LRP1B: variants seen among roughly 807,000 people sequenced by gnomAD.
LRP1B encodes the protein LDL receptor related protein 1B.
In LRP1B, 217 loss-of-function variants were observed where a neutral mutation model predicts 556.6. The ratio of observed to expected loss-of-function variants is 0.39; its 90% confidence interval spans 0.35 to 0.44. LRP1B has a LOEUF of 0.44. LRP1B is among the 20% of genes least tolerant of loss of function. The pLI, the probability that LRP1B is intolerant of heterozygous loss-of-function variation, is 1.00. For synonymous variants in LRP1B, 2,047 were observed against 1,865.8 expected (o/e 1.10, Z -2.50); for missense variants, 5,053 against 5,620.8 (o/e 0.90, Z 3.23).
chr2:141,519,011 T>C (rs1043001881), intron 2 of LRP1B, among the ~76,000 whole-genome samples: 1 of 136,780 alleles, frequency 7.3e-6, no homozygotes, highest in Non-Finnish European at 1.6e-5. Flanking sequence ...GACATTTCCA[T>C]TGCAAACAAG....
intron 3 of LRP1B, among the ~76,000 whole-genome samples, chr2:141,271,008 A>T (rs1685069856): frequency 6.6e-6 from 1 of 152,034 alleles, no homozygotes. Context: ...ATGAAGCTAT[A>T]AAGGGAATGA....
chr2:141,642,998 G>C (rs1689402732), intron 2 of LRP1B, among the ~76,000 whole-genome samples: 1 of 152,068 alleles, frequency 6.6e-6, no homozygotes, highest in African/African-American at 2.4e-5. Flanking sequence ...ACAAACTTAA[G>C]GGTCATGCTA....
chr2:141,602,582 C>A (rs1048425939), intron 2 of LRP1B, among the ~76,000 whole-genome samples: 1 of 152,166 alleles, frequency 6.6e-6, no homozygotes, highest in South Asian at 2.1e-4. Context: ...TTTAAAGCAG[C>A]TGTTCTCAAA....
intron 1 of LRP1B, among the ~76,000 whole-genome samples, chr2:141,861,616 T>C (rs936096863): frequency 6.6e-6 from 1 of 152,160 alleles, no homozygotes; most frequent in Admixed American, 6.5e-5. Context: ...TATAAATGTA[T>C]AAACTCTTTC....
intron 1 of LRP1B, among the ~76,000 whole-genome samples, chr2:141,920,279 T>TTTTTTTTTTTG (rs1558962074): frequency 1.0e-5 from 1 of 99,962 alleles, no homozygotes; most frequent in Non-Finnish European, 2.1e-5. Flanking sequence ...TCTTTTTTTT[T>TTTTTTTTTTTG]GGGGGGGGGT....
Position 140,972,920 on chromosome 2 carries a change from ATT to A in LRP1B, c.2887+9238_2887+9239del, listed in dbSNP as rs1277380224. The stretch of plus-strand genomic sequence containing the variant: ...ATAAAAATATAGTATGCAAGAATAA[ATT>A]TTTTGCTGATGCAGCTTTTTGATAT... On this transcript the variant is annotated intron_variant, in intron 18 of 90. Transcript: ENST00000389484. Among the ~76,000 whole-genome samples the A allele has an allele frequency of 2.8e-5, 4 of 144,496 alleles. No homozygotes were observed. The East Asian group carries it at 6.0e-4, about 22-fold the overall frequency. 94.8% of individuals were successfully genotyped at this position (144,496 alleles called of 152,430 possible). A position where few individuals can be genotyped will look rare whatever the true frequency, so the allele number is the denominator to read the frequency against.
chr2:140,962,324 A>T (rs1288679145), intron 18 of LRP1B, among the ~76,000 whole-genome samples: 2 of 152,126 alleles, frequency 1.3e-5, no homozygotes, highest in African/African-American at 4.8e-5. Flanking sequence ...TAGAGCAGAA[A>T]CTTTGCCTTT....
At chr2:141,546,275 G>C (rs1685550213) in intron 2 of LRP1B, among the ~76,000 whole-genome samples, 1 of 152,094 alleles carries the variant, frequency 6.6e-6, no homozygotes, top group South Asian at 2.1e-4. Context: ...GAGGCATGTA[G>C]GCACCATTTT....
chr2:140,399,858 A>G (rs1000373669), intron 66 of LRP1B, among the ~76,000 whole-genome samples: 4 of 152,220 alleles, frequency 2.6e-5, no homozygotes, highest in Admixed American at 2.6e-4. Flanking sequence ...TACATTGTAC[A>G]TTGTAAGCTA....
At chr2:142,058,535 G>A (rs766726142) in intron 1 of LRP1B, among the ~76,000 whole-genome samples, 5 of 152,054 alleles carry the variant, frequency 3.3e-5, no homozygotes, top group Non-Finnish European at 5.9e-5. Flanking sequence ...TTCTCAAAAC[G>A]TTATGAGGTT....
intron 66 of LRP1B, among the ~76,000 whole-genome samples, chr2:140,403,934 C>T (rs1301283811): frequency 1.3e-5 from 2 of 152,110 alleles, no homozygotes; most frequent in East Asian, 3.9e-4. Flanking sequence ...CAGCAGAATG[C>T]TTACAAACTA....
chr2:141,208,524 A>C (rs560690838), intron 6 of LRP1B: 6 of 152,346 alleles, frequency 3.9e-5, no homozygotes, highest in African/African-American at 1.4e-4. Context: ...ATCTCCTTGC[A>C]TATGCAGGCC....
intron 63 of LRP1B, among the ~76,000 whole-genome samples, chr2:140,449,532 T>C (rs953243): frequency 2.8e-4 from 43 of 152,252 alleles, no homozygotes; most frequent in African/African-American, 1.0e-3. Context: ...AACAAGATTA[T>C]ATTAGAAACA....
intron 7 of LRP1B, among the ~76,000 whole-genome samples, chr2:141,185,374 T>TATG (rs2105183870): frequency 6.6e-6 from 1 of 152,186 alleles, no homozygotes; most frequent in African/African-American, 2.4e-5. Context: ...TTGGTTGGAA[T>TATG]ATGATCTCTA....
At chr2:140,974,692 G>C (rs183832249) in intron 18 of LRP1B, among the ~76,000 whole-genome samples, 1 of 152,090 alleles carries the variant, frequency 6.6e-6, no homozygotes, top group Non-Finnish European at 1.5e-5. Flanking sequence ...TCTTTCTTTC[G>C]CCATGGCCCT....
At chr2:140,940,433 C>T (rs1195950034) in intron 20 of LRP1B, among the ~76,000 whole-genome samples, 2 of 152,096 alleles carry the variant, frequency 1.3e-5, no homozygotes, top group African/African-American at 4.8e-5. Flanking sequence ...TATCCAGACT[C>T]TCCTTATTTT....
At position 140,501,875 on chromosome 2, in the gene LRP1B, C is replaced by A. The variant is rs1394960415; in HGVS notation, c.8663-1G>T. ...AAAAATGAACTGTTGCATGACTGTTCTGGAAAAAAAATAAAACAAATGGAA... is the reference window on the plus strand; with the variant it reads ...AAAAATGAACTGTTGCATGACTGTTATGGAAAAAAAATAAAACAAATGGAA... On this transcript the variant is annotated splice_acceptor_variant, in intron 54 of 90. Transcript: ENST00000389484. LOFTEE classifies it high-confidence loss of function. The A allele has an allele frequency of 1.3e-6, 2 of 1,580,552 alleles. No individual in the cohort carries two copies. Among genetic ancestry groups the A allele is most frequent in the Admixed American group, 1.8e-5 (1 of 55,210 alleles).
chr2:140,369,099 C>T (rs980722094), intron 71 of LRP1B, among the ~76,000 whole-genome samples: 2 of 151,718 alleles, frequency 1.3e-5, no homozygotes, highest in African/African-American at 4.8e-5. Flanking sequence ...TCTAGTTTGG[C>T]TAGGATACAA....
rs1038375243 is a variant in LRP1B at position 141,918,107 on chromosome 2, G to A, written c.83-107706C>T. 7.3e-5 allele frequency among the ~76,000 whole-genome samples: 11 copies of A among 151,706 alleles called. 1 individual carries two copies. Among genetic ancestry groups the A allele is most frequent in the Non-Finnish European group, 5.9e-5 (4 of 67,876 alleles). On this transcript the variant is annotated intron_variant, in intron 1 of 90. Coordinates refer to ENST00000389484, the MANE Select transcript of LRP1B (RefSeq NM_018557.3). ...ATTCCATTTTTATTTTCTTTAAAAA[G>A]GGAAAAGAAAGAGAAGAACCCTATA...
Sources: allele counts gnomAD v4.1 joint callset (sites outside exome capture counted in the v4.1 genomes callset), GRCh38; gene constraint gnomAD v4.1.1; transcripts MANE v1.5; gene names NCBI Gene and HGNC (gene_info 2026-07-23, HGNC 2026-07-21).